CAPZA1: variants seen among roughly 807,000 people sequenced by gnomAD.
The protein encoded by CAPZA1 is capping actin protein of muscle Z-line subunit alpha 1.
A neutral mutation model predicts 40.8 loss-of-function variants in CAPZA1; 10 were observed. That is an observed-to-expected ratio of 0.25 (90% CI 0.15 to 0.42). CAPZA1 has a LOEUF of 0.42. Ranked by LOEUF, CAPZA1 falls within the 10% of genes least tolerant of loss-of-function variation. The pLI is 1.00. For missense variants in CAPZA1, 277 were observed against 353.8 expected, an observed-to-expected ratio of 0.78 and a Z score of 1.74; for synonymous variants, 98 against 115.0, an observed-to-expected ratio of 0.85 and a Z score of 0.95.
intron 1 of CAPZA1, among the ~76,000 whole-genome samples, chr1:112,642,524 C>A (rs1372216671): frequency 6.6e-6 from 1 of 152,042 alleles, no homozygotes; most frequent in Non-Finnish European, 1.5e-5. Context: ...CGACCACCCT[C>A]TTTTTAATGT....
chr1:112,636,996 C>T (rs996610395), intron 1 of CAPZA1, among the ~76,000 whole-genome samples: 2 of 152,322 alleles, frequency 1.3e-5, no homozygotes, highest in South Asian at 4.1e-4. Context: ...ATAGCTTTGA[C>T]TCAATTCTTG....
intron 7 of CAPZA1, 123 bp from the exon 8 acceptor site, chr1:112,666,951 T>C: frequency 1.6e-6 from 1 of 609,882 alleles, no homozygotes; most frequent in Non-Finnish European, 2.9e-6. Flanking sequence ...ATATTAATTA[T>C]TTGTTCAGAG....
chr1:112,663,278 A>G (rs1017478712), intron 7 of CAPZA1, among the ~76,000 whole-genome samples: 1 of 151,456 alleles, frequency 6.6e-6, no homozygotes, highest in Non-Finnish European at 1.5e-5. Context: ...CCCCTTTTGA[A>G]TGTTCTTTTC....
At chr1:112,648,347 CTTTTTTTTTTTT>C (rs35670246) in intron 2 of CAPZA1, among the ~76,000 whole-genome samples, 3 of 99,388 alleles carry the variant, frequency 3.0e-5, no homozygotes, top group Non-Finnish European at 6.2e-5. Flanking sequence ...TTGAATTTTT[CTTTTTTTTTTTT>C]TTTTTTTTTT....
intron 1 of CAPZA1, among the ~76,000 whole-genome samples, chr1:112,622,912 T>C: frequency 6.6e-6 from 1 of 151,518 alleles, no homozygotes; most frequent in East Asian, 1.9e-4. Context: ...AAACGAAGTC[T>C]TGCACTGTCT....
chr1:112,637,204 GA>G (rs1282553750), intron 1 of CAPZA1, among the ~76,000 whole-genome samples: 1 of 152,202 alleles, frequency 6.6e-6, no homozygotes, highest in African/African-American at 2.4e-5. Flanking sequence ...TATAAATGGG[GA>G]TAATAGTCTC....
chr1:112,653,801 G>C (rs563511350), intron 4 of CAPZA1, 140 bp downstream of exon 4: 203 of 589,130 alleles, frequency 3.4e-4, no homozygotes, highest in Non-Finnish European at 5.0e-4. Flanking sequence ...TACGTGTTAG[G>C]ATATTCTTCT....
intron 3 of CAPZA1, 78 bp downstream of exon 3, chr1:112,649,547 A>G: frequency 8.5e-7 from 1 of 1,170,972 alleles, no homozygotes; most frequent in Non-Finnish European, 1.3e-6. Flanking sequence ...TAGCACCCTG[A>G]AAACAAAGTT....
chr1:112,654,625 C>T lies in CAPZA1; in HGVS notation c.380C>T (p.Ala127Val). Residue 127 changes from alanine (A) to valine (V), a missense_variant, in exon 5 of 10, where the codon GCT becomes GTT. By Grantham distance (64) the Ala-to-Val change is moderately conservative. This residue lies in a region of CAPZA1 where 192 missense variants were observed against 277.2 expected (regional missense o/e 0.69). Coordinates refer to ENST00000263168, the MANE Select transcript of CAPZA1 (RefSeq NM_006135.3). The part of the protein sequence containing the change: ...LKSWRESCDS[A>V]LRAYVKDHYS... Reference sequence around the variant, plus strand: ...TCTTGGAGAGAATCCTGTGACAGTGCTTTAAGAGCCTATGTGAAAGACCAT... The same window carrying T: ...TCTTGGAGAGAATCCTGTGACAGTGTTTTAAGAGCCTATGTGAAAGACCAT... 6.2e-7 allele frequency: 1 copy of T among 1,613,658 alleles called. No individual in the cohort carries two copies. The highest frequency in any genetic ancestry group is 1.7e-5 in the Admixed American group (1 of 59,964).
intron 7 of CAPZA1, among the ~76,000 whole-genome samples, chr1:112,663,074 C>G (rs539529802): frequency 2.4e-4 from 36 of 152,282 alleles, no homozygotes; most frequent in Middle Eastern, 3.4e-3. Context: ...AAGCGATTCT[C>G]CTGCCTCAGT....
intron 1 of CAPZA1, chr1:112,634,605 CAGT>C (rs1670981240): frequency 1.3e-5 from 2 of 152,122 alleles, no homozygotes; most frequent in South Asian, 4.1e-4. Context: ...GTTAAGATAA[CAGT>C]AGCTGACATT....
chr1:112,662,483 C>T (rs1671636729), intron 7 of CAPZA1, among the ~76,000 whole-genome samples: 1 of 144,468 alleles, frequency 6.9e-6, no homozygotes, highest in South Asian at 2.2e-4. Flanking sequence ...ACTGCAAGCT[C>T]CACCTCCCGG....
At chr1:112,657,936 C>T in intron 5 of CAPZA1, among the ~76,000 whole-genome samples, 1 of 152,030 alleles carries the variant, frequency 6.6e-6, no homozygotes, top group East Asian at 1.9e-4. Flanking sequence ...TTTCCCCTAC[C>T]TTTGTAAATG....
intron 1 of CAPZA1, chr1:112,646,917 C>G (rs1332103033): frequency 4.6e-6 from 1 of 217,174 alleles, no homozygotes; most frequent in Non-Finnish European, 9.0e-6. Context: ...AAGATCATAG[C>G]TTTCTCTTTT....
chr1:112,635,890 G>A lies in CAPZA1; in HGVS notation c.40-11320G>A, dbSNP rs1439248453. Among the ~76,000 whole-genome samples, 6 of 152,250 alleles carry A rather than the reference G, an allele frequency of 3.9e-5. No individual in the cohort carries two copies. The South Asian group carries it at 8.3e-4, about 21-fold the overall frequency. On this transcript the variant is annotated intron_variant, in intron 1 of 9. Transcript: ENST00000263168. ...CTAAAAATGCAAAAATTAGCCAGGC[G>A]TGGTGGCAGGCGCCTGTAGTCCCAG... is the stretch of plus-strand genomic sequence containing the variant.
intron 1 of CAPZA1, among the ~76,000 whole-genome samples, chr1:112,621,207 A>G (rs1670642477): frequency 6.6e-6 from 1 of 152,238 alleles, no homozygotes. Context: ...CTGGAAATCG[A>G]TCTATAATAA....
At chr1:112,665,983 C>T (rs1671716682) in intron 7 of CAPZA1, among the ~76,000 whole-genome samples, 1 of 152,160 alleles carries the variant, frequency 6.6e-6, no homozygotes, top group South Asian at 2.1e-4. Context: ...CCGTGTGTCA[C>T]CTATAATAGG....
intron 5 of CAPZA1, among the ~76,000 whole-genome samples, chr1:112,655,531 T>TAA (rs1671481295): frequency 6.6e-6 from 1 of 151,958 alleles, no homozygotes; most frequent in Admixed American, 6.6e-5. Context: ...AGGAGTGATT[T>TAA]TCTTTTTGTT....
At chr1:112,637,718 G>T (rs1294822245) in intron 1 of CAPZA1, among the ~76,000 whole-genome samples, 1 of 152,190 alleles carries the variant, frequency 6.6e-6, no homozygotes, top group Non-Finnish European at 1.5e-5. Flanking sequence ...CTCCTAAAGT[G>T]TTGGGATTAC....
Sources: gnomAD v4.1 joint callset for allele counts (sites outside exome capture counted in the v4.1 genomes callset) on GRCh38, gnomAD v4.1.1 for gene constraint, gnomAD v4.1.1 regional missense constraint, MANE v1.5 for transcripts, NCBI Gene and HGNC (gene_info 2026-07-23, HGNC 2026-07-21) for gene names.